The following SEM1 variants were observed in gnomAD, a reference collection of about 807,000 sequenced individuals.
SEM1 encodes the protein SEM1 26S proteasome subunit.
SEM1 carries 3 observed loss-of-function variants against 12.7 expected under a neutral mutation model. The ratio of observed to expected loss-of-function variants is 0.24; its 90% CI spans 0.11 to 0.61. The LOEUF is 0.61. Among genes scored for constraint, SEM1 ranks in the 20% least tolerant of loss-of-function variants. The probability of loss-of-function intolerance (pLI) is 0.88; values close to 1 mark genes in which losing one functional copy is unlikely to be tolerated. For missense variants in SEM1, 59 were observed against 81.3 expected (o/e 0.73, Z 1.06); for synonymous variants, 30 against 27.8 (o/e 1.08, Z -0.25).
At chr7:96,598,829 T>C (rs1807089591) in intron 2 of SEM1, among the ~76,000 whole-genome samples, 1 of 152,142 alleles carries the variant, frequency 6.6e-6, no homozygotes, top group African/African-American at 2.4e-5. Flanking sequence ...TAAATAAAAT[T>C]AGATTAAAAA....
intron 2 of SEM1, among the ~76,000 whole-genome samples, chr7:96,556,375 A>C (rs1306663852): frequency 6.6e-6 from 1 of 151,942 alleles, no homozygotes; most frequent in East Asian, 1.9e-4. Flanking sequence ...AGCTCTTGTA[A>C]GGCAGGCCTG....
At chr7:96,501,750 A>C (rs1280951470) in intron 3 of SEM1, among the ~76,000 whole-genome samples, 1 of 152,112 alleles carries the variant, frequency 6.6e-6, no homozygotes, top group Admixed American at 6.6e-5. Flanking sequence ...TTCAACTTTT[A>C]CTTTAGATTC....
At chr7:96,661,007 G>A (rs960607642) in intron 2 of SEM1, among the ~76,000 whole-genome samples, 3 of 152,104 alleles carry the variant, frequency 2.0e-5, no homozygotes, top group Non-Finnish European at 4.4e-5. Flanking sequence ...AAACATTTAC[G>A]TGATTCTTAA....
chr7:96,700,206 T>C (rs10953191), intron 1 of SEM1, among the ~76,000 whole-genome samples: 29,901 of 90,154 alleles, frequency 0.33, 3,033 homozygotes, highest in East Asian at 0.52. Flanking sequence ...CTTTATTACA[T>C]ACATGCTAAT....
At chr7:96,552,436 C>T (rs1298002215) in intron 2 of SEM1, among the ~76,000 whole-genome samples, 16 of 150,866 alleles carry the variant, frequency 1.1e-4, no homozygotes, top group African/African-American at 2.7e-4. Context: ...TGAGAATATG[C>T]GGTGTTTGGT....
intron 1 of SEM1, chr7:96,695,897 A>C (rs1790079082): frequency 6.6e-6 from 1 of 151,960 alleles, no homozygotes; most frequent in South Asian, 2.1e-4. Flanking sequence ...ATAATATTTT[A>C]CACTTTTCTG....
At chr7:96,661,679 T>C (rs891720073) in intron 2 of SEM1, among the ~76,000 whole-genome samples, 1 of 152,070 alleles carries the variant, frequency 6.6e-6, no homozygotes, top group Admixed American at 6.6e-5. Flanking sequence ...AACTGACTAG[T>C]CAAAGGCGAT....
At chr7:96,657,965 C>T (rs1296913244) in intron 2 of SEM1, among the ~76,000 whole-genome samples, 1 of 152,168 alleles carries the variant, frequency 6.6e-6, no homozygotes, top group Non-Finnish European at 1.5e-5. Flanking sequence ...TGAGAAGCCA[C>T]CTGCTGACAG....
At chr7:96,545,317 T>C (rs1405784327) in intron 2 of SEM1, among the ~76,000 whole-genome samples, 1 of 151,998 alleles carries the variant, frequency 6.6e-6, no homozygotes, top group East Asian at 1.9e-4. Flanking sequence ...GGAGTAATGG[T>C]TCATAGTTTT....
intron 2 of SEM1, among the ~76,000 whole-genome samples, chr7:96,557,926 A>G (rs1805575809): frequency 1.3e-5 from 2 of 152,212 alleles, no homozygotes; most frequent in South Asian, 4.1e-4. Context: ...GGAAAAGGGC[A>G]GTATTCGGGT....
At position 96,632,571 on chromosome 7, in the gene SEM1, G is replaced by T. The variant is rs1182640045; in HGVS notation, c.171-9928C>A. 3.9e-5 allele frequency among the ~76,000 whole-genome samples: 6 copies of T among 152,158 alleles called. No homozygotes were observed. In the South Asian group the frequency reaches 8.3e-4, roughly 21 times the overall value. On this transcript the variant is annotated intron_variant, in intron 2 of 2. Transcript: ENST00000417009. ...CCTGTCAGGGGGTGGCGGACTAGGG[G>T]AGGGATAGCATTAGGAGAAATACCT...
At chr7:96,604,241 T>G (rs1179483496) in intron 2 of SEM1, among the ~76,000 whole-genome samples, 3 of 152,134 alleles carry the variant, frequency 2.0e-5, no homozygotes, top group Non-Finnish European at 4.4e-5. Flanking sequence ...AAAATATTAC[T>G]TCCATAACTA....
intron 2 of SEM1, among the ~76,000 whole-genome samples, chr7:96,543,236 C>T (rs1805008357): frequency 1.3e-5 from 2 of 151,874 alleles, no homozygotes; most frequent in Admixed American, 1.3e-4. Flanking sequence ...AGTATAACAA[C>T]TATTTACATT....
At chr7:96,693,039 T>G (rs1392768521) in intron 2 of SEM1, among the ~76,000 whole-genome samples, 1 of 151,916 alleles carries the variant, frequency 6.6e-6, no homozygotes, top group East Asian at 1.9e-4. Context: ...AGAAAAAAAG[T>G]AGATAGGTAA....
chr7:96,558,561 A>G (rs943596551), intron 2 of SEM1, among the ~76,000 whole-genome samples: 4 of 152,154 alleles, frequency 2.6e-5, no homozygotes, highest in African/African-American at 9.7e-5. Context: ...GAGAATGAAG[A>G]GCATGGCCTA....
chr7:96,634,974 T>C (rs1456141283), intron 2 of SEM1, among the ~76,000 whole-genome samples: 1 of 152,152 alleles, frequency 6.6e-6, no homozygotes, highest in Admixed American at 6.6e-5. Flanking sequence ...GGTTTCTATT[T>C]GTAGAATGAA....
intron 2 of SEM1, among the ~76,000 whole-genome samples, chr7:96,677,339 G>A (rs565396104): frequency 3.3e-5 from 5 of 152,270 alleles, no homozygotes; most frequent in African/African-American, 9.6e-5. Flanking sequence ...GGTGGTTATC[G>A]TCATCTTTTC....
rs79748559 is a variant in SEM1 at position 96,491,658 on chromosome 7, G to A, written c.12+4626C>T. Among the ~76,000 whole-genome samples, 964 of 152,216 alleles carry A rather than the reference G, an allele frequency of 6.3e-3. 12 individuals are homozygous for A. The highest frequency in any genetic ancestry group is 0.022 in the African/African-American group (920 of 41,542). On this transcript the variant is annotated intron_variant, in intron 1 of 3. Transcript: ENST00000356686. ...CGTTTTCCTGATTTTTAGACTTTGC[G>A]TAAAGAAAGGGGTGCCCTTCCTGCA... is the stretch of plus-strand genomic sequence containing the variant.
At chr7:96,491,633 C>T (rs963550381) in intron 1 of SEM1, among the ~76,000 whole-genome samples, 3 of 152,154 alleles carry the variant, frequency 2.0e-5, no homozygotes, top group Non-Finnish European at 2.9e-5. Context: ...TTTACTGCTG[C>T]GTTTTCCTGA....
Sources: allele counts gnomAD v4.1 joint callset (sites outside exome capture counted in the v4.1 genomes callset), GRCh38; gene constraint gnomAD v4.1.1; transcripts MANE v1.5; gene names NCBI Gene and HGNC (gene_info 2026-07-23, HGNC 2026-07-21).